The following TRIO variants were observed in gnomAD, a reference collection of about 807,000 sequenced individuals.
TRIO encodes trio Rho guanine nucleotide exchange factor.
In TRIO, 58 loss-of-function variants were observed where a neutral mutation model predicts 351.9. The ratio of observed to expected loss-of-function variants is 0.16; its 90% CI spans 0.13 to 0.21. The LOEUF (loss-of-function observed/expected upper bound fraction) is 0.21. TRIO is among the 10% of genes least tolerant of loss of function. The pLI is 1.00. For synonymous variants in TRIO, 1,758 were observed against 1,595.7 expected, an observed-to-expected ratio of 1.10 and a Z score of -2.42; for missense variants, 3,201 against 4,027.8, an observed-to-expected ratio of 0.79 and a Z score of 5.56.
intron 15 of TRIO, among the ~76,000 whole-genome samples, chr5:14,365,823 C>T (rs1336406147): frequency 6.6e-6 from 1 of 152,160 alleles, no homozygotes; most frequent in Non-Finnish European, 1.5e-5. Context: ...TGGCCTTTCC[C>T]TTCTGGTTGC....
chr5:14,386,030 GAGA>G (rs926894649), intron 21 of TRIO, among the ~76,000 whole-genome samples: 21 of 152,296 alleles, frequency 1.4e-4, no homozygotes, highest in African/African-American at 5.1e-4. Context: ...GTTCTCACAG[GAGA>G]AGGACAGACG....
At chr5:14,315,738 T>A (rs1342703947) in intron 8 of TRIO, among the ~76,000 whole-genome samples, 1 of 152,242 alleles carries the variant, frequency 6.6e-6, no homozygotes, top group Non-Finnish European at 1.5e-5. Context: ...AATTAATTAC[T>A]CATAAGTCTT....
intron 33 of TRIO, among the ~76,000 whole-genome samples, chr5:14,406,894 A>G (rs921638948): frequency 6.6e-6 from 1 of 152,160 alleles, no homozygotes; most frequent in Non-Finnish European, 1.5e-5. Flanking sequence ...AACTCTTTCC[A>G]TCCTGCCCTT....
intron 1 of TRIO, among the ~76,000 whole-genome samples, chr5:14,220,389 C>G (rs1013175471): frequency 9.9e-5 from 15 of 152,122 alleles, no homozygotes; most frequent in African/African-American, 3.6e-4. Flanking sequence ...TGAGACACAA[C>G]GATATTGAAA....
At chr5:14,292,205 T>C (rs1292646654) in intron 5 of TRIO, among the ~76,000 whole-genome samples, 1 of 152,230 alleles carries the variant, frequency 6.6e-6, no homozygotes, top group African/African-American at 2.4e-5. Context: ...TTTCAAAAGG[T>C]GATAATCCAG....
chr5:14,231,580 C>T (rs1373698721), intron 1 of TRIO, among the ~76,000 whole-genome samples: 1 of 152,210 alleles, frequency 6.6e-6, no homozygotes, highest in Admixed American at 6.5e-5. Flanking sequence ...TTGCTAGGGG[C>T]TGCCACTTCC....
chr5:14,174,456 A>G lies in TRIO; in HGVS notation c.157+30574A>G, dbSNP rs143063823. Reference sequence around the variant, plus strand: ...CGGCTTTATGCCCGCCTGCCTCTCTATCTACCCAGTCAACTTCCTCTCACC... The same window carrying G: ...CGGCTTTATGCCCGCCTGCCTCTCTGTCTACCCAGTCAACTTCCTCTCACC... On this transcript the variant is annotated intron_variant, in intron 1 of 56. Transcript: ENST00000344204. 8.0e-4 allele frequency among the ~76,000 whole-genome samples: 122 copies of G among 152,200 alleles called. 1 individual carries two copies. Among genetic ancestry groups the G allele is most frequent in the Middle Eastern group, 3.4e-3 (1 of 294 alleles).
At chr5:14,348,934 TC>T (rs1283889537) in intron 11 of TRIO, among the ~76,000 whole-genome samples, 1 of 151,628 alleles carries the variant, frequency 6.6e-6, no homozygotes, top group Non-Finnish European at 1.5e-5. Context: ...CATGTGTTTT[TC>T]CTGTATGTGT....
chr5:14,305,489 G>C (rs1018439159), intron 8 of TRIO, among the ~76,000 whole-genome samples: 1 of 152,222 alleles, frequency 6.6e-6, no homozygotes, highest in Admixed American at 6.5e-5. Context: ...TATATCTACA[G>C]TGTTCTATGT....
chr5:14,264,559 AT>A (rs966918925), intron 1 of TRIO, among the ~76,000 whole-genome samples: 75 of 146,866 alleles, frequency 5.1e-4, no homozygotes, highest in Middle Eastern at 3.5e-3. Flanking sequence ...TTATGTTTTG[AT>A]TTTTTTTTTT....
intron 31 of TRIO, among the ~76,000 whole-genome samples, chr5:14,405,355 C>T (rs535815503): frequency 3.9e-5 from 6 of 152,192 alleles, no homozygotes; most frequent in South Asian, 2.1e-4. Flanking sequence ...TGACAGCATG[C>T]GAGAAGCCCT....
chr5:14,157,074 A>G (rs1367617312), intron 1 of TRIO, among the ~76,000 whole-genome samples: 2 of 152,226 alleles, frequency 1.3e-5, no homozygotes, highest in African/African-American at 4.8e-5. Context: ...ATGGGTGTGT[A>G]GAGGAGGATG....
At chr5:14,301,495 C>T (rs1018175515) in intron 7 of TRIO, among the ~76,000 whole-genome samples, 7 of 152,164 alleles carry the variant, frequency 4.6e-5, no homozygotes, top group African/African-American at 1.7e-4. Flanking sequence ...CTTCTGTCCT[C>T]ATCTCCTAAG....
intron 1 of TRIO, among the ~76,000 whole-genome samples, chr5:14,163,920 G>A (rs556220148): frequency 6.6e-6 from 1 of 152,318 alleles, no homozygotes; most frequent in Non-Finnish European, 1.5e-5. Flanking sequence ...CATACAGTAG[G>A]AAATTAAGTA....
chr5:14,313,330 G>A (rs1264789346), intron 8 of TRIO, among the ~76,000 whole-genome samples: 2 of 152,188 alleles, frequency 1.3e-5, no homozygotes, highest in East Asian at 3.8e-4. Flanking sequence ...CCACCGCCAT[G>A]AGCAAGTGTG....
chr5:14,441,069 C>T (rs1376695407), intron 34 of TRIO: 4 of 152,368 alleles, frequency 2.6e-5, no homozygotes, highest in African/African-American at 9.7e-5. Context: ...TGGGCTGGCG[C>T]CGGCCGCTGA....
At chr5:14,222,876 C>T (rs1014233956) in intron 1 of TRIO, among the ~76,000 whole-genome samples, 5 of 152,196 alleles carry the variant, frequency 3.3e-5, no homozygotes, top group Admixed American at 2.0e-4. Flanking sequence ...ACGAGGCTGC[C>T]GTTCCTCTTG....
chr5:14,358,061 C>A, intron 11 of TRIO, 117 bp from the exon 12 acceptor site: 1 of 1,293,430 alleles, frequency 7.7e-7, no homozygotes, highest in Non-Finnish European at 1.0e-6. Context: ...GGTCTGTCAC[C>A]AGTCCCCTCC....
At chr5:14,426,712 C>T (rs577572252) in intron 34 of TRIO, among the ~76,000 whole-genome samples, 2 of 152,230 alleles carry the variant, frequency 1.3e-5, no homozygotes, top group Non-Finnish European at 2.9e-5. Flanking sequence ...CAGCAAGAAG[C>T]GGAGGAGATG....
Sources: gnomAD v4.1 joint callset for allele counts (sites outside exome capture counted in the v4.1 genomes callset) on GRCh38, gnomAD v4.1.1 for gene constraint, MANE v1.5 for transcripts, NCBI Gene and HGNC (gene_info 2026-07-23, HGNC 2026-07-21) for gene names.